Variants in DST observed in about 807,000 individuals in gnomAD.
DST encodes dystonin, also known as bullous pemphigoid antigen.
In DST, 253 loss-of-function variants were observed where a neutral mutation model predicts 875.2. The observed-to-expected ratio is 0.29, with a 90% CI of 0.26 to 0.32. The LOEUF (loss-of-function observed/expected upper bound fraction) is 0.32, where lower values mean the gene tolerates loss of function less well. DST is among the 10% of genes least tolerant of loss of function. The pLI is 1.00. For synonymous variants in DST, 3,124 were observed against 3,197.1 expected (o/e 0.98, Z 0.77); for missense variants, 8,287 against 9,111.6 (o/e 0.91, Z 3.68).
chr6:56,946,151 G>C (rs949559248), intron 2 of DST, among the ~76,000 whole-genome samples: 1 of 152,168 alleles, frequency 6.6e-6, no homozygotes, highest in African/African-American at 2.4e-5. Flanking sequence ...GAAACAGAGA[G>C]AGCCAGGGCC....
At chr6:56,536,070 G>A (rs758552246) in intron 62 of DST, among the ~76,000 whole-genome samples, 45 of 152,184 alleles carry the variant, frequency 3.0e-4, no homozygotes, top group Non-Finnish European at 1.5e-5. Context: ...AAAACAACAA[G>A]AGTAACCACC....
At chr6:56,843,211 C>G (rs1390387029) in intron 4 of DST, 3 of 1,419,266 alleles carry the variant, frequency 2.1e-6, no homozygotes, top group South Asian at 3.4e-5. Flanking sequence ...CGGACAGTAT[C>G]GCAGTCAGCA....
intron 95 of DST, among the ~76,000 whole-genome samples, 161 bp from the exon 96 acceptor site, chr6:56,470,443 G>C (rs1301211566): frequency 6.6e-6 from 1 of 152,044 alleles, no homozygotes; most frequent in Non-Finnish European, 1.5e-5. Flanking sequence ...CAAATGAAGA[G>C]TTATATATAA....
At chr6:56,620,609 T>A (rs1324364762) in intron 36 of DST, 1 of 1,614,104 alleles carries the variant, frequency 6.2e-7, no homozygotes, top group Non-Finnish European at 8.5e-7. Flanking sequence ...TCTTTCCAAC[T>A]CACTTATCTT....
Position 56,631,305 on chromosome 6 carries a change from C to T in DST, c.4048G>A (p.Ala1350Thr), listed in dbSNP as rs2098777753. The T allele has an allele frequency of 5.0e-6, 8 of 1,613,958 alleles. No individual in the cohort carries two copies. Among genetic ancestry groups the T allele is most frequent in the Non-Finnish European group, 6.8e-6 (8 of 1,179,950 alleles). Residue 1350 changes from alanine to threonine, a missense_variant, in exon 30 of 104, where the codon GCC becomes ACC. Transcript: ENST00000680361. The stretch of plus-strand genomic sequence containing the variant: ...CGTAGGGTAGGGACTGATGAAGAGG[C>T]TGCTGCTTGACTGAAAAACTCCTCA... ...KCEEFFSQAA[A>T]SSSVPTLRSE...
chr6:56,827,041 A>C (rs1591296213), intron 4 of DST, among the ~76,000 whole-genome samples: 1 of 152,282 alleles, frequency 6.6e-6, no homozygotes, highest in East Asian at 1.9e-4. Context: ...AAATCCTTTA[A>C]ATCTCTCTTA....
At chr6:56,724,995 G>C (rs1459285056) in intron 5 of DST, among the ~76,000 whole-genome samples, 1 of 152,052 alleles carries the variant, frequency 6.6e-6, no homozygotes, top group Non-Finnish European at 1.5e-5. Flanking sequence ...CTGTGTAACA[G>C]GCACTGTGTT....
intron 3 of DST, among the ~76,000 whole-genome samples, chr6:56,897,690 A>G (rs1049211287): frequency 6.6e-6 from 1 of 152,030 alleles, no homozygotes; most frequent in African/African-American, 2.4e-5. Context: ...TTGTCTGTCC[A>G]TCTCTTCCTT....
At chr6:56,872,612 T>A (rs780459949) in intron 3 of DST, among the ~76,000 whole-genome samples, 4 of 152,114 alleles carry the variant, frequency 2.6e-5, no homozygotes, top group Non-Finnish European at 5.9e-5. Context: ...AACAAGAGAA[T>A]GATGAAATGT....
intron 41 of DST, 24 bp downstream of exon 41, chr6:56,603,540 A>G (rs1339295746): frequency 6.3e-7 from 1 of 1,597,932 alleles, no homozygotes; most frequent in South Asian, 1.1e-5. Flanking sequence ...TACCATCCAT[A>G]AAGAGGCAGT....
rs561423079 is a variant in DST, at chr6:56,824,074, T to C, written c.625+27323A>G. ...CTGATGCCGAGTCGAAGCTGGACTG[T>C]ACTGCTGCCATCTCGGCTCACTGCA... On this transcript the variant is annotated intron_variant, in intron 4 of 103. Coordinates refer to ENST00000680361, the MANE Select transcript of DST (RefSeq NM_001374736.1). 2.4e-3 allele frequency among the ~76,000 whole-genome samples: 372 copies of C among 152,236 alleles called. 1 individual carries two copies. Among genetic ancestry groups the C allele is most frequent in the African/African-American group, 8.6e-3 (358 of 41,556 alleles).
chr6:56,472,864 A>G (rs2094963442), intron 93 of DST, among the ~76,000 whole-genome samples: 1 of 152,236 alleles, frequency 6.6e-6, no homozygotes, highest in Non-Finnish European at 1.5e-5. Flanking sequence ...ACAAGTCTCA[A>G]CAACTTCACA....
At chr6:56,521,827 CTAATGGACCATAAACATGGCTCACTT>C (rs1355434779) in intron 69 of DST, among the ~76,000 whole-genome samples, 5 of 151,930 alleles carry the variant, frequency 3.3e-5, no homozygotes, top group Non-Finnish European at 7.4e-5. Flanking sequence ...AAACATATTT[CTAATGGACCATAAACATGGCTCACTT>C]TATATGTAAG....
At chr6:56,636,748 T>G in intron 22 of DST, 96 bp from the exon 23 acceptor site, 1 of 1,000,062 alleles carries the variant, frequency 1.0e-6, no homozygotes, top group African/African-American at 1.6e-5. Context: ...CTCTACTATC[T>G]AAATAGATGA....
chr6:56,667,122 C>A (rs1196275411), intron 10 of DST, among the ~76,000 whole-genome samples: 1 of 152,102 alleles, frequency 6.6e-6, no homozygotes. Context: ...GCTGCCCAGG[C>A]TGGTCTCCAA....
At chr6:56,857,584 A>G (rs1768597553) in intron 3 of DST, among the ~76,000 whole-genome samples, 1 of 152,238 alleles carries the variant, frequency 6.6e-6, no homozygotes, top group African/African-American at 2.4e-5. Context: ...TCATTTATTA[A>G]TAATGTACAA....
chr6:56,693,481 A>AAAAACAGTCATAATCTTC, intron 9 of DST: 1 of 857,522 alleles, frequency 1.2e-6, no homozygotes, highest in Non-Finnish European at 1.4e-6. Context: ...TGAGAAGATT[A>AAAAACAGTCATAATCTTC]TGACTGTTTT....
At chr6:56,949,919 T>G (rs1156491139) in intron 2 of DST, among the ~76,000 whole-genome samples, 1 of 152,186 alleles carries the variant, frequency 6.6e-6, no homozygotes, top group Non-Finnish European at 1.5e-5. Context: ...AGGAACATAA[T>G]GAGGACAACA....
chr6:56,616,439 T>A lies in DST; in HGVS notation c.4930-1955A>T, dbSNP rs190064001. The A allele has an allele frequency of 1.2e-6, 2 of 1,614,128 alleles. No homozygotes were observed. The highest frequency in any genetic ancestry group is 1.3e-5 in the African/African-American group (1 of 75,060). On this transcript the variant is annotated intron_variant, in intron 36 of 103. Transcript: ENST00000680361. ...GGTCAATTCTGATCCTGTTTTAGTA[T>A]CTACTACAGAAATTCTATGTGTTTT...
Sources: allele counts gnomAD v4.1 joint callset (sites outside exome capture counted in the v4.1 genomes callset), GRCh38; gene constraint gnomAD v4.1.1; transcripts MANE v1.5; gene names NCBI Gene and HGNC (gene_info 2026-07-23, HGNC 2026-07-21).